The following ETV6 variants were observed in gnomAD, a reference collection of about 807,000 sequenced individuals.
ETV6 encodes ETS variant transcription factor 6.
ETV6 carries 16 observed loss-of-function variants against 51.1 expected under a neutral mutation model. The ratio of observed to expected loss-of-function variants is 0.31; its 90% CI spans 0.21 to 0.48. The LOEUF is 0.48. ETV6 is among the 20% of genes least tolerant of loss of function. The probability of loss-of-function intolerance (pLI) is 0.99; values close to 1 mark genes in which losing one functional copy is unlikely to be tolerated. For missense variants in ETV6, 458 were observed against 594.8 expected (o/e 0.77, Z 2.39); for synonymous variants, 240 against 224.1 (o/e 1.07, Z -0.64).
At chr12:11,743,536 C>T (rs886350957) in intron 1 of ETV6, among the ~76,000 whole-genome samples, 1 of 152,066 alleles carries the variant, frequency 6.6e-6, no homozygotes, top group Non-Finnish European at 1.5e-5. Context: ...TGCCTAGAGC[C>T]TGGGCCAGCA....
intron 1 of ETV6, among the ~76,000 whole-genome samples, chr12:11,672,848 C>T (rs944268201): frequency 6.6e-5 from 10 of 152,152 alleles, no homozygotes; most frequent in East Asian, 3.8e-4. Context: ...GGTAGGAAGG[C>T]GGTGAACAGG....
At position 11,842,407 on chromosome 12, in the gene ETV6, TAC is replaced by T. The variant is rs6144615; in HGVS notation, c.328+3135_328+3136del. ...CCTCTGTCATGGCCCTTGACACAGATACACACACACACACACACACACACACA... is the reference window on the plus strand; with the variant it reads ...CCTCTGTCATGGCCCTTGACACAGATACACACACACACACACACACACACA... On this transcript the variant is annotated intron_variant, in intron 3 of 7. Coordinates refer to ENST00000396373, the MANE Select transcript of ETV6 (RefSeq NM_001987.5). 6.1e-3 allele frequency among the ~76,000 whole-genome samples: 901 copies of T among 147,628 alleles called. 3 individuals carry two copies. Among genetic ancestry groups the T allele is most frequent in the Middle Eastern group, 0.014 (4 of 282 alleles).
chr12:11,716,099 G>A (rs543923241), intron 1 of ETV6, among the ~76,000 whole-genome samples: 6 of 152,116 alleles, frequency 3.9e-5, no homozygotes, highest in African/African-American at 7.2e-5. Context: ...GGTGGCTGAC[G>A]CCTGTAATCC....
At chr12:11,695,884 A>G (rs3020923) in intron 1 of ETV6, among the ~76,000 whole-genome samples, 70,691 of 152,000 alleles carry the variant, frequency 0.47, 18,469 homozygotes, top group Non-Finnish European at 0.59. Flanking sequence ...TTTCCATATC[A>G]CCAGTGACAT....
intron 1 of ETV6, among the ~76,000 whole-genome samples, chr12:11,741,302 C>T (rs1259263006): frequency 7.9e-5 from 12 of 152,210 alleles, no homozygotes; most frequent in African/African-American, 2.2e-4. Context: ...ACCCAGGGAA[C>T]AGTGGTTCCC....
intron 1 of ETV6, among the ~76,000 whole-genome samples, chr12:11,686,797 C>T (rs1409766011): frequency 2.0e-5 from 3 of 152,130 alleles, no homozygotes; most frequent in African/African-American, 7.2e-5. Context: ...TATTAACAGG[C>T]GTGAGCCACC....
intron 1 of ETV6, among the ~76,000 whole-genome samples, chr12:11,694,009 G>A (rs140085792): frequency 8.6e-4 from 131 of 152,326 alleles, no homozygotes; most frequent in African/African-American, 3.0e-3. Flanking sequence ...ACATGCTTGC[G>A]AAGATAGGAT....
chr12:11,683,109 A>G (rs773770395), intron 1 of ETV6, among the ~76,000 whole-genome samples: 8 of 152,220 alleles, frequency 5.3e-5, no homozygotes, highest in Non-Finnish European at 1.0e-4. Flanking sequence ...GCTTGAATGC[A>G]GTGGATTGAT....
At chr12:11,874,759 C>A (rs921151756) in intron 5 of ETV6, among the ~76,000 whole-genome samples, 5 of 149,966 alleles carry the variant, frequency 3.3e-5, no homozygotes, top group African/African-American at 1.2e-4. Flanking sequence ...TTCATAAATT[C>A]TTTTCATTAT....
rs1947340650 is a variant in ETV6, at chr12:11,893,805, TA to T, written c.*2760del. 1 of 22,438 alleles carries T rather than the reference TA, an allele frequency of 4.5e-5. No individual in the cohort carries two copies. The highest frequency in any genetic ancestry group is 1.3e-4 in the African/African-American group (1 of 7,596). The allele number at this position is 22,438 out of a possible 1,614,324, so 1.4% of individuals were successfully genotyped here. ...CAAGATCTCTCATTTTATATATATA[TA>T]TATATATATATATATATATATATAT... is the stretch of plus-strand genomic sequence containing the variant. On this transcript the variant is annotated 3_prime_UTR_variant, in exon 8 of 8. Transcript: ENST00000396373.
intron 1 of ETV6, among the ~76,000 whole-genome samples, chr12:11,721,874 G>T (rs887161741): frequency 6.6e-6 from 1 of 152,212 alleles, no homozygotes; most frequent in African/African-American, 2.4e-5. Flanking sequence ...TTAGGTCATA[G>T]AAAGTTTGAA....
intron 5 of ETV6, among the ~76,000 whole-genome samples, chr12:11,877,957 G>T (rs536579504): frequency 1.3e-5 from 2 of 152,304 alleles, no homozygotes; most frequent in South Asian, 4.2e-4. Flanking sequence ...GACTGTGTGG[G>T]AGCTGTGGGT....
chr12:11,650,520 C>T (rs1863885240), intron 1 of ETV6, among the ~76,000 whole-genome samples: 1 of 125,684 alleles, frequency 8.0e-6, no homozygotes, highest in South Asian at 2.6e-4. Flanking sequence ...AAAAAACCTG[C>T]TCCCTATTCC....
intron 1 of ETV6, among the ~76,000 whole-genome samples, chr12:11,690,802 G>T (rs924428203): frequency 6.6e-6 from 1 of 151,750 alleles, no homozygotes; most frequent in Non-Finnish European, 1.5e-5. Flanking sequence ...CAGGAGAATC[G>T]CTTGAACCTG....
chr12:11,712,605 G>A (rs1466137571), intron 1 of ETV6, among the ~76,000 whole-genome samples: 1 of 152,198 alleles, frequency 6.6e-6, no homozygotes, highest in Non-Finnish European at 1.5e-5. Context: ...GAGACCCTGG[G>A]AAGAGTTGAT....
chr12:11,874,886 G>C (rs1327316844), intron 5 of ETV6, among the ~76,000 whole-genome samples: 1 of 138,234 alleles, frequency 7.2e-6, no homozygotes, highest in Non-Finnish European at 1.5e-5. Context: ...TCACACACCG[G>C]GTCCTGTTAT....
intron 1 of ETV6, among the ~76,000 whole-genome samples, chr12:11,674,199 T>C (rs1230974994): frequency 6.6e-6 from 1 of 152,148 alleles, no homozygotes; most frequent in Non-Finnish European, 1.5e-5. Context: ...TTCGCCTTCA[T>C]TTTTGGGAAG....
chr12:11,818,204 G>A (rs1026187138), intron 2 of ETV6, among the ~76,000 whole-genome samples: 3 of 152,194 alleles, frequency 2.0e-5, no homozygotes, highest in African/African-American at 7.2e-5. Flanking sequence ...TTGGTGGGGA[G>A]TTGTGAAGGT....
chr12:11,773,907 T>C (rs922074513), intron 2 of ETV6, among the ~76,000 whole-genome samples: 1 of 152,142 alleles, frequency 6.6e-6, no homozygotes, highest in African/African-American at 2.4e-5. Flanking sequence ...ATTGGGGAAA[T>C]GCAGTGCTGC....
Sources: gnomAD v4.1 joint callset for allele counts (sites outside exome capture counted in the v4.1 genomes callset) on GRCh38, gnomAD v4.1.1 for gene constraint, MANE v1.5 for transcripts, NCBI Gene and HGNC (gene_info 2026-07-23, HGNC 2026-07-21) for gene names.